The following FHOD3 variants were observed in gnomAD, a reference collection of about 807,000 sequenced individuals.
The protein encoded by FHOD3 is formin homology 2 domain containing 3, also known as FH1/FH2 domain-containing protein 3.
FHOD3 carries 90 observed loss-of-function variants against 173.0 expected under a neutral mutation model. The observed-to-expected ratio is 0.52, with a 90% confidence interval of 0.44 to 0.62. FHOD3 has a LOEUF of 0.62. FHOD3 is among the 20% of genes least tolerant of loss of function. The pLI is 0.00. For synonymous variants in FHOD3, 828 were observed against 823.0 expected, an observed-to-expected ratio of 1.01 and a Z score of -0.10; for missense variants, 1,945 against 2,034.7, an observed-to-expected ratio of 0.96 and a Z score of 0.85.
chr18:36,501,854 A>G, intron 3 of FHOD3, 78 bp from the exon 4 acceptor site: 1 of 1,006,210 alleles, frequency 9.9e-7, no homozygotes, highest in Non-Finnish European at 1.5e-6. Flanking sequence ...TAGTTTTGTT[A>G]TCATTCATAT....
chr18:36,450,356 G>T (rs886963683), intron 3 of FHOD3, among the ~76,000 whole-genome samples: 1 of 152,182 alleles, frequency 6.6e-6, no homozygotes, highest in Non-Finnish European at 1.5e-5. Flanking sequence ...GCATGCAGGG[G>T]CTCTGAGGTC....
intron 5 of FHOD3, among the ~76,000 whole-genome samples, chr18:36,517,139 G>T (rs978955762): frequency 6.6e-6 from 1 of 152,098 alleles, no homozygotes; most frequent in African/African-American, 2.4e-5. Flanking sequence ...ACAACGTGGA[G>T]GAATAATATT....
At chr18:36,424,849 C>T (rs1046519850) in intron 3 of FHOD3, among the ~76,000 whole-genome samples, 2 of 152,172 alleles carry the variant, frequency 1.3e-5, no homozygotes, top group Non-Finnish European at 2.9e-5. Context: ...TCCCTTTGTT[C>T]AGCGTTTCTG....
chr18:36,746,193 A>T (rs900539317), intron 23 of FHOD3, among the ~76,000 whole-genome samples: 7 of 151,964 alleles, frequency 4.6e-5, no homozygotes, highest in Non-Finnish European at 1.0e-4. Context: ...CACAGCCAGC[A>T]CTCTGTTACA....
chr18:36,401,996 T>G (rs1212633849), intron 3 of FHOD3, among the ~76,000 whole-genome samples: 1 of 152,250 alleles, frequency 6.6e-6, no homozygotes, highest in Non-Finnish European at 1.5e-5. Context: ...ATGTCTTCAC[T>G]TCTCTTGCAT....
chr18:36,605,871 A>C (rs1359476445), intron 8 of FHOD3, among the ~76,000 whole-genome samples: 1 of 152,248 alleles, frequency 6.6e-6, no homozygotes, highest in African/African-American at 2.4e-5. Flanking sequence ...TGATATCAAC[A>C]AAATAAAGGC....
At chr18:36,298,690 G>A (rs1013971567) in intron 1 of FHOD3, among the ~76,000 whole-genome samples, 67 of 152,280 alleles carry the variant, frequency 4.4e-4, no homozygotes, top group Non-Finnish European at 7.9e-4. Flanking sequence ...CGCTCACAAA[G>A]CCTCAGCTTG....
intron 3 of FHOD3, among the ~76,000 whole-genome samples, chr18:36,465,998 C>G (rs560921030): frequency 6.6e-6 from 1 of 152,158 alleles, no homozygotes; most frequent in East Asian, 1.9e-4. Context: ...GACCACAATC[C>G]GGCTTTCTCA....
intron 3 of FHOD3, among the ~76,000 whole-genome samples, chr18:36,456,435 A>C (rs1211573014): frequency 6.6e-6 from 1 of 152,170 alleles, no homozygotes; most frequent in Admixed American, 6.5e-5. Flanking sequence ...GAGGAAGGAA[A>C]GGACAGTTGA....
intron 7 of FHOD3, among the ~76,000 whole-genome samples, chr18:36,595,199 T>G (rs890680347): frequency 6.6e-6 from 1 of 152,094 alleles, no homozygotes; most frequent in Non-Finnish European, 1.5e-5. Context: ...CTCCTGTTCT[T>G]CCTGTCTTGT....
At chr18:36,394,511 G>A (rs2048455019) in intron 3 of FHOD3, among the ~76,000 whole-genome samples, 1 of 152,114 alleles carries the variant, frequency 6.6e-6, no homozygotes, top group African/African-American at 2.4e-5. Context: ...TGAAAACCTA[G>A]GATTTTTACT....
chr18:36,714,529 T>A (rs2040345881), intron 18 of FHOD3, among the ~76,000 whole-genome samples: 1 of 152,194 alleles, frequency 6.6e-6, no homozygotes, highest in Non-Finnish European at 1.5e-5. Context: ...ACAGTGAGAC[T>A]CTGTCTCGAA....
chr18:36,569,061 A>T (rs2058368885), intron 5 of FHOD3, among the ~76,000 whole-genome samples: 1 of 152,214 alleles, frequency 6.6e-6, no homozygotes, highest in African/African-American at 2.4e-5. Flanking sequence ...GAAAGATACA[A>T]TAACCAAAGT....
intron 3 of FHOD3, among the ~76,000 whole-genome samples, chr18:36,457,603 G>T (rs2052296856): frequency 1.3e-5 from 2 of 151,434 alleles, no homozygotes; most frequent in Admixed American, 1.3e-4. Context: ...AGCTGAAACT[G>T]ATTCCATAAG....
chr18:36,577,290 A>G (rs1050946229), intron 6 of FHOD3, among the ~76,000 whole-genome samples: 1 of 150,908 alleles, frequency 6.6e-6, no homozygotes, highest in African/African-American at 2.5e-5. Flanking sequence ...CCAGGCACCA[A>G]ACTAGGTATT....
At chr18:36,322,605 C>T (rs2044455606) in intron 1 of FHOD3, among the ~76,000 whole-genome samples, 1 of 152,054 alleles carries the variant, frequency 6.6e-6, no homozygotes, top group South Asian at 2.1e-4. Flanking sequence ...AAGATCCAGC[C>T]AGTCATTCCT....
chr18:36,536,524 C>T (rs2057000199), intron 5 of FHOD3, among the ~76,000 whole-genome samples: 1 of 152,238 alleles, frequency 6.6e-6, no homozygotes, highest in African/African-American at 2.4e-5. Context: ...CACACAGCTC[C>T]CCTCTGCAGG....
At chr18:36,754,486 TTAAAA>T (rs1018237384) in intron 24 of FHOD3, among the ~76,000 whole-genome samples, 1 of 152,202 alleles carries the variant, frequency 6.6e-6, no homozygotes, top group African/African-American at 2.4e-5. Context: ...AATTAAGTAG[TTAAAA>T]TAAATTTATT....
At chr18:36,552,156 G>T (rs370306753) in intron 5 of FHOD3, among the ~76,000 whole-genome samples, 1 of 152,104 alleles carries the variant, frequency 6.6e-6, no homozygotes, top group East Asian at 1.9e-4. Context: ...ATTTGTTTGT[G>T]TCCTCTTTTA....
Sources: allele counts gnomAD v4.1 joint callset (sites outside exome capture counted in the v4.1 genomes callset), GRCh38; gene constraint gnomAD v4.1.1; transcripts MANE v1.5; gene names NCBI Gene and HGNC (gene_info 2026-07-23, HGNC 2026-07-21).